The following WNT3 variants were observed in gnomAD, a reference collection of about 807,000 sequenced individuals.
The protein encoded by WNT3 is Wnt family member 3.
In WNT3, 7 loss-of-function variants were observed where a neutral mutation model predicts 34.2. The ratio of observed to expected loss-of-function variants is 0.20; its 90% CI spans 0.12 to 0.38. The LOEUF (loss-of-function observed/expected upper bound fraction) is 0.38. Among genes scored for constraint, WNT3 ranks in the 10% least tolerant of loss-of-function variants. The probability of loss-of-function intolerance (pLI) is 1.00; values close to 1 mark genes in which losing one functional copy is unlikely to be tolerated. For synonymous variants in WNT3, 212 were observed against 211.5 expected (o/e 1.00, Z -0.02); for missense variants, 267 against 499.8 (o/e 0.53, Z 4.44).
chr17:46,807,420 T>C (rs145992408), intron 1 of WNT3, among the ~76,000 whole-genome samples: 3,050 of 152,222 alleles, frequency 0.02, 36 homozygotes, highest in African/African-American at 0.034. Context: ...AGGCGGAGGT[T>C]GCAGTGAGCC....
At chr17:46,796,058 C>T (rs968610829) in intron 1 of WNT3, among the ~76,000 whole-genome samples, 2 of 152,308 alleles carry the variant, frequency 1.3e-5, no homozygotes, top group East Asian at 1.9e-4. Context: ...CTGTCCCATC[C>T]GCAGGTGGTA....
chr17:46,805,509 G>A (rs926353845), intron 1 of WNT3, among the ~76,000 whole-genome samples: 1 of 152,162 alleles, frequency 6.6e-6, no homozygotes, highest in African/African-American at 2.4e-5. Flanking sequence ...GGAGGTGGAG[G>A]TTGCAGTGAG....
chr17:46,781,827 TC>T (rs2059464192), intron 1 of WNT3, among the ~76,000 whole-genome samples: 1 of 152,158 alleles, frequency 6.6e-6, no homozygotes, highest in Non-Finnish European at 1.5e-5. Flanking sequence ...CCGGGTCTAG[TC>T]TAATTCCCTC....
At chr17:46,792,232 G>A (rs983754656) in intron 1 of WNT3, among the ~76,000 whole-genome samples, 1 of 152,208 alleles carries the variant, frequency 6.6e-6, no homozygotes, top group Non-Finnish European at 1.5e-5. Flanking sequence ...AATCACCATG[G>A]GTGGGAGGAG....
intron 1 of WNT3, among the ~76,000 whole-genome samples, chr17:46,792,447 G>A (rs532120384): frequency 5.4e-4 from 82 of 152,276 alleles, no homozygotes; most frequent in Non-Finnish European, 6.5e-4. Flanking sequence ...GTAGTAAGGA[G>A]CCTATTCACT....
rs562258322 is a variant in WNT3, at chr17:46,778,480, G to A, written c.81-4571C>T. 2.4e-3 allele frequency among the ~76,000 whole-genome samples: 365 copies of A among 152,298 alleles called. 2 individuals are homozygous for A. Among genetic ancestry groups the A allele is most frequent in the South Asian group, 0.024 (115 of 4,824 alleles). ...GAGACTAAAGAGGCTGTGGCCATGG[G>A]ATTGATTTCTGCAGGATGGCTGCCC... On this transcript the variant is annotated intron_variant, in intron 1 of 4. Coordinates refer to ENST00000225512, the MANE Select transcript of WNT3 (RefSeq NM_030753.5).
chr17:46,778,709 T>C (rs1229520531), intron 1 of WNT3, among the ~76,000 whole-genome samples: 1 of 152,202 alleles, frequency 6.6e-6, no homozygotes, highest in Non-Finnish European at 1.5e-5. Flanking sequence ...CGGATTTGCC[T>C]AGCCAGCTGA....
chr17:46,798,140 G>T (rs2084077979), intron 1 of WNT3, among the ~76,000 whole-genome samples: 1 of 152,176 alleles, frequency 6.6e-6, no homozygotes, highest in South Asian at 2.1e-4. Flanking sequence ...TGTTGGCCAG[G>T]CTGGTCTCGA....
rs567033120 is a variant in WNT3, at chr17:46,773,647, C to A, written c.322+21G>T. The stretch of plus-strand genomic sequence containing the variant: ...CTCCCCCCACCCAGCCCCTCCCCCC[C>A]CCTCAGCCCCAAGGCAGTACCTTTG... On this transcript the variant is annotated intron_variant, in intron 2 of 4. Coordinates refer to ENST00000225512, the MANE Select transcript of WNT3 (RefSeq NM_030753.5). The A allele has an allele frequency of 9.2e-5, 137 of 1,487,928 alleles. 1 individual carries two copies. The highest frequency in any genetic ancestry group is 1.1e-4 in the Non-Finnish European group (124 of 1,101,622). 92.2% of individuals were successfully genotyped at this position (1,487,928 alleles called of 1,614,324 possible). A position where few individuals can be genotyped will look rare whatever the true frequency, so the allele number is the denominator to read the frequency against.
intron 1 of WNT3, among the ~76,000 whole-genome samples, chr17:46,790,852 A>G (rs1263532560): frequency 6.6e-6 from 1 of 152,198 alleles, no homozygotes; most frequent in African/African-American, 2.4e-5. Context: ...TGTGCGTTCC[A>G]AAACACACGC....
At chr17:46,770,194 T>TC in intron 2 of WNT3, 146 bp from the exon 3 acceptor site, 5 of 1,137,658 alleles carry the variant, frequency 4.4e-6, no homozygotes, top group Non-Finnish European at 6.0e-6. Flanking sequence ...GGAGGCAGCT[T>TC]CCCCACCCTC....
chr17:46,814,020 T>G (rs1221335785), intron 1 of WNT3, among the ~76,000 whole-genome samples: 1 of 152,154 alleles, frequency 6.6e-6, no homozygotes, highest in East Asian at 1.9e-4. Flanking sequence ...AAGCACCTCC[T>G]AAAGGACTTG....
chr17:46,791,042 G>A (rs924499056), intron 1 of WNT3, among the ~76,000 whole-genome samples: 3 of 152,100 alleles, frequency 2.0e-5, no homozygotes, highest in African/African-American at 7.2e-5. Flanking sequence ...GCTGTGCAGT[G>A]GGGTGTATCT....
chr17:46,810,857 T>G (rs1167926564), intron 1 of WNT3, among the ~76,000 whole-genome samples: 1 of 152,128 alleles, frequency 6.6e-6, no homozygotes, highest in Non-Finnish European at 1.5e-5. Context: ...AATATCAAGA[T>G]GGTGGCAGAG....
At chr17:46,803,165 G>A (rs1301111570) in intron 1 of WNT3, among the ~76,000 whole-genome samples, 1 of 152,236 alleles carries the variant, frequency 6.6e-6, no homozygotes, top group African/African-American at 2.4e-5. Flanking sequence ...GGTCGCAGAA[G>A]TCTTCTGTAC....
chr17:46,793,812 G>A (rs111725813), intron 1 of WNT3, among the ~76,000 whole-genome samples: 3,239 of 152,294 alleles, frequency 0.021, 50 homozygotes, highest in African/African-American at 0.041. Flanking sequence ...CAACAGCCCT[G>A]AGAGTAGAGA....
intron 2 of WNT3, among the ~76,000 whole-genome samples, chr17:46,770,762 C>G (rs373994704): frequency 2.1e-4 from 32 of 152,186 alleles, no homozygotes; most frequent in African/African-American, 7.2e-4. Flanking sequence ...CAGGGTCCAG[C>G]GCAGGGAAAG....
intron 2 of WNT3, 117 bp from the exon 3 acceptor site, chr17:46,770,165 A>C: frequency 4.1e-5 from 56 of 1,362,124 alleles, no homozygotes; most frequent in Non-Finnish European, 5.2e-5. Flanking sequence ...TGAAGAGCTC[A>C]CCAGCCCTGA....
chr17:46,793,409 T>C (rs2084013465), intron 1 of WNT3, among the ~76,000 whole-genome samples: 1 of 152,036 alleles, frequency 6.6e-6, no homozygotes, highest in Non-Finnish European at 1.5e-5. Context: ...CCGGCCGCTG[T>C]TGGGGTTAAC....
Sources: allele counts gnomAD v4.1 joint callset (sites outside exome capture counted in the v4.1 genomes callset), GRCh38; gene constraint gnomAD v4.1.1; transcripts MANE v1.5; gene names NCBI Gene and HGNC (gene_info 2026-07-23, HGNC 2026-07-21).